MYO1E: variants seen among roughly 807,000 people sequenced by gnomAD.
The protein encoded by MYO1E is myosin IE.
Under a neutral mutation model 151.1 loss-of-function variants are expected in MYO1E, and 68 were observed. The observed-to-expected ratio is 0.45, with a 90% CI of 0.37 to 0.55. The LOEUF is 0.55. Ranked by LOEUF, MYO1E falls within the 20% of genes least tolerant of loss-of-function variation. MYO1E has a pLI of 0.00. For missense variants in MYO1E, 1,363 were observed against 1,389.3 expected, an observed-to-expected ratio of 0.98 and a Z score of 0.30; for synonymous variants, 601 against 501.7, an observed-to-expected ratio of 1.20 and a Z score of -2.64.
intron 4 of MYO1E, among the ~76,000 whole-genome samples, chr15:59,246,852 T>C (rs2080133388): frequency 1.3e-5 from 2 of 152,162 alleles, no homozygotes; most frequent in African/African-American, 4.8e-5. Flanking sequence ...AAAGCTAATG[T>C]GTCAATAAGG....
At chr15:59,149,853 T>A (rs16941069) in intron 26 of MYO1E, among the ~76,000 whole-genome samples, 5,802 of 152,228 alleles carry the variant, frequency 0.038, 232 homozygotes, top group African/African-American at 0.098. Context: ...CTTTGATGTA[T>A]AGGAATTTTC....
intron 1 of MYO1E, among the ~76,000 whole-genome samples, chr15:59,334,587 G>A (rs1376365770): frequency 6.6e-6 from 1 of 152,052 alleles, no homozygotes; most frequent in African/African-American, 2.4e-5. Flanking sequence ...CCCCACTGGT[G>A]ACAAAGTGGC....
At chr15:59,239,163 G>A (rs1232498457) in intron 4 of MYO1E, among the ~76,000 whole-genome samples, 1 of 150,930 alleles carries the variant, frequency 6.6e-6, no homozygotes, top group East Asian at 2.0e-4. Context: ...CCAAGATTGT[G>A]CCACTGCACT....
At chr15:59,303,955 C>T (rs1037798725) in intron 1 of MYO1E, among the ~76,000 whole-genome samples, 1 of 150,210 alleles carries the variant, frequency 6.7e-6, no homozygotes, top group African/African-American at 2.4e-5. Flanking sequence ...ATCAGGCAGG[C>T]GTCTCTATTT....
At chr15:59,177,641 C>T (rs550404249) in intron 19 of MYO1E, among the ~76,000 whole-genome samples, 1 of 152,190 alleles carries the variant, frequency 6.6e-6, no homozygotes, top group Non-Finnish European at 1.5e-5. Flanking sequence ...AGCCCTGGAG[C>T]AAACTGGGCA....
At chr15:59,153,514 A>G in intron 26 of MYO1E, 76 bp downstream of exon 26, 1 of 1,502,620 alleles carries the variant, frequency 6.7e-7, no homozygotes, top group Admixed American at 1.7e-5. Flanking sequence ...GACAGCCCAC[A>G]GGAATCTCTG....
Position 59,315,653 on chromosome 15 carries a change from G to A in MYO1E, c.4-43204C>T, listed in dbSNP as rs142936774. On this transcript the variant is annotated intron_variant, in intron 1 of 27. Coordinates refer to ENST00000288235, the MANE Select transcript of MYO1E (RefSeq NM_004998.4). Reference sequence around the variant, plus strand: ...GTTTCCTCATTTGTAAAACAGACATGATACTTATATCACTTCATCAGACTG... The same window carrying A: ...GTTTCCTCATTTGTAAAACAGACATAATACTTATATCACTTCATCAGACTG... Among the ~76,000 whole-genome samples the A allele has an allele frequency of 3.6e-3, 548 of 152,042 alleles. 4 individuals are homozygous for A. The highest frequency in any genetic ancestry group is 0.013 in the African/African-American group (534 of 41,436).
At chr15:59,140,586 A>G (rs894035477) in intron 26 of MYO1E, among the ~76,000 whole-genome samples, 1 of 152,226 alleles carries the variant, frequency 6.6e-6, no homozygotes, top group African/African-American at 2.4e-5. Context: ...GCAAGGAGGA[A>G]AAGGGAGGGC....
At chr15:59,298,530 T>C (rs148926723) in intron 1 of MYO1E, among the ~76,000 whole-genome samples, 162 of 152,340 alleles carry the variant, frequency 1.1e-3, no homozygotes, top group African/African-American at 3.8e-3. Context: ...AAATCAGGTC[T>C]GTCCATATGC....
At chr15:59,183,342 G>C (rs1338878751) in intron 18 of MYO1E, among the ~76,000 whole-genome samples, 1 of 108,200 alleles carries the variant, frequency 9.2e-6, no homozygotes, top group Non-Finnish European at 1.9e-5. Flanking sequence ...AAAAAGGTTT[G>C]ATCAGGTTTT....
At chr15:59,278,243 C>G (rs1173342038) in intron 1 of MYO1E, among the ~76,000 whole-genome samples, 2 of 152,172 alleles carry the variant, frequency 1.3e-5, no homozygotes, top group Non-Finnish European at 2.9e-5. Flanking sequence ...TTTCAGAAAA[C>G]CTGGGACTAG....
chr15:59,300,829 G>A (rs943981565), intron 1 of MYO1E, among the ~76,000 whole-genome samples: 1 of 151,602 alleles, frequency 6.6e-6, no homozygotes, highest in Non-Finnish European at 1.5e-5. Flanking sequence ...TTGGAGGAGG[G>A]AGCTTATTGT....
intron 4 of MYO1E, among the ~76,000 whole-genome samples, chr15:59,253,352 C>T (rs916269936): frequency 5.3e-5 from 8 of 152,136 alleles, no homozygotes; most frequent in African/African-American, 1.9e-4. Flanking sequence ...TAAACAATGG[C>T]TCTGAAATGA....
chr15:59,371,765 G>C (rs1313941274), intron 1 of MYO1E, among the ~76,000 whole-genome samples: 2 of 152,084 alleles, frequency 1.3e-5, no homozygotes, highest in African/African-American at 4.8e-5. Context: ...TCTTCAGGAG[G>C]TGTTTACTTG....
rs2079525800 is a variant in MYO1E, at chr15:59,159,397, T to G, written c.2786-1018A>C. 6.6e-6 allele frequency among the ~76,000 whole-genome samples: 1 copy of G among 152,174 alleles called. No individual in the cohort carries two copies. The highest frequency in any genetic ancestry group is 2.4e-5 in the African/African-American group (1 of 41,442). ...CCGGCTCTGTGCCCTGGGGTCTGAGTCCTGTGGACAGCCAGGCCTCTGCCT... is the reference window on the plus strand; with the variant it reads ...CCGGCTCTGTGCCCTGGGGTCTGAGGCCTGTGGACAGCCAGGCCTCTGCCT... On this transcript the variant is annotated intron_variant, in intron 24 of 27. Transcript: ENST00000288235. The surrounding 1 kb of genome is among the most constrained non-coding windows in gnomAD (Gnocchi z 4.4).
chr15:59,198,241 G>C (rs993490705), intron 16 of MYO1E, among the ~76,000 whole-genome samples: 1 of 152,160 alleles, frequency 6.6e-6, no homozygotes, highest in Admixed American at 6.5e-5. Context: ...AGCCAAGAAG[G>C]GTTCCTGAGT....
intron 17 of MYO1E, among the ~76,000 whole-genome samples, chr15:59,189,240 T>TGGA (rs2140326345): frequency 6.6e-6 from 1 of 152,230 alleles, no homozygotes; most frequent in African/African-American, 2.4e-5. Context: ...TTGTATTTTT[T>TGGA]GGAGAGACAG....
intron 21 of MYO1E, 36 bp from the exon 22 acceptor site, chr15:59,172,078 C>T: frequency 6.2e-7 from 1 of 1,609,676 alleles, no homozygotes; most frequent in East Asian, 2.2e-5. Context: ...CTGGACAGGC[C>T]AGGCATGGTG....
intron 25 of MYO1E, 31 bp downstream of exon 25, chr15:59,158,256 G>A: frequency 1.3e-6 from 2 of 1,488,652 alleles, no homozygotes; most frequent in Non-Finnish European, 1.8e-6. Context: ...CAGATTTAGT[G>A]GTCCCAGACT....
Sources: gnomAD v4.1 joint callset for allele counts (sites outside exome capture counted in the v4.1 genomes callset) on GRCh38, gnomAD v4.1.1 for gene constraint, Gnocchi (gnomAD v3.1) non-coding constraint, MANE v1.5 for transcripts, NCBI Gene and HGNC (gene_info 2026-07-23, HGNC 2026-07-21) for gene names.